The following CCDC124 variants were observed in gnomAD, a reference collection of about 807,000 sequenced individuals.
The protein encoded by CCDC124 is coiled-coil domain-containing protein 124.
In CCDC124, 9 loss-of-function variants were observed where a neutral mutation model predicts 19.8. The observed-to-expected ratio is 0.45, with a 90% CI of 0.27 to 0.79. The LOEUF (loss-of-function observed/expected upper bound fraction) is 0.79. Ranked by LOEUF, CCDC124 falls within the 30% of genes least tolerant of loss-of-function variation. The pLI, the probability that CCDC124 is intolerant of heterozygous loss-of-function variation, is 0.14. For synonymous variants in CCDC124, 126 were observed against 131.3 expected, an observed-to-expected ratio of 0.96 and a Z score of 0.27; for missense variants, 285 against 319.0, an observed-to-expected ratio of 0.89 and a Z score of 0.81.
chr19:17,942,854 G>A lies in CCDC124; in HGVS notation c.349+9G>A. On this transcript the variant is annotated intron_variant, in intron 3 of 4. Coordinates refer to ENST00000445755, the MANE Select transcript of CCDC124 (RefSeq NM_001136203.2). The surrounding 1 kb of genome is among the most constrained non-coding windows in gnomAD (Gnocchi z 4.2). ...GGAGGCCCCGGACACAGGTCGGGCG[G>A]CATCCCGCTCTGGAGCTGCACTTTT... is the stretch of plus-strand genomic sequence containing the variant. The A allele has an allele frequency of 6.7e-7, 1 of 1,492,506 alleles. No individual in the cohort carries two copies. The highest frequency in any genetic ancestry group is 8.9e-7 in the Non-Finnish European group (1 of 1,121,138). The allele number at this position is 1,492,506 out of a possible 1,614,324, so 92.5% of individuals were successfully genotyped here.
rs1288930928 is a variant in CCDC124 at position 17,942,330 on chromosome 19, A to C, written c.160-326A>C. Among the ~76,000 whole-genome samples the C allele has an allele frequency of 2.6e-5, 4 of 152,066 alleles. No individual in the cohort carries two copies. The highest frequency in any genetic ancestry group is 2.0e-4 in the Admixed American group (3 of 15,262). On this transcript the variant is annotated intron_variant, in intron 2 of 4. Coordinates refer to ENST00000445755, the MANE Select transcript of CCDC124 (RefSeq NM_001136203.2). The surrounding 1 kb of genome is among the most constrained non-coding windows in gnomAD (Gnocchi z 4.2). The stretch of plus-strand genomic sequence containing the variant: ...CCTCCAAGCTGTTCCTGTTACAACA[A>C]ATGGCTCCTGCCTCGGCGCCTTTGC...
chr19:17,935,636 C>G (rs2031043960), intron 1 of CCDC124, among the ~76,000 whole-genome samples: 1 of 152,150 alleles, frequency 6.6e-6, no homozygotes, highest in Non-Finnish European at 1.5e-5. Context: ...GGCTGGAGTG[C>G]AGTTGCACGA....
chr19:17,942,927 C>G lies in CCDC124; in HGVS notation c.349+82C>G, dbSNP rs1000686330. 2.1e-6 allele frequency: 3 copies of G among 1,425,294 alleles called. No homozygotes were observed. The highest frequency in any genetic ancestry group is 2.8e-6 in the Non-Finnish European group (3 of 1,081,008). 88.3% of individuals were successfully genotyped at this position (1,425,294 alleles called of 1,614,324 possible). On this transcript the variant is annotated intron_variant, in intron 3 of 4. Coordinates refer to ENST00000445755, the MANE Select transcript of CCDC124 (RefSeq NM_001136203.2). This position sits in a 1 kb window ranked among gnomAD's most constrained non-coding sequence, Gnocchi z 4.2. ...CTTGAGTCCATTAGCCCCCTCCTGG[C>G]CCCCAGAGAAGCTGCCGGGGCTCCA...
Position 17,943,250 on chromosome 19 carries a change from C to G in CCDC124, c.350-11C>G, listed in dbSNP as rs1206201883. On this transcript the variant is annotated splice_polypyrimidine_tract_variant and intron_variant, in intron 3 of 4. Coordinates refer to ENST00000445755, the MANE Select transcript of CCDC124 (RefSeq NM_001136203.2). ...TCTCTCTCTGTCTCTGTCACCCACC[C>G]ACCCGCCCAGCCGAGAAAGCCAAGA... 3.4e-6 allele frequency: 3 copies of G among 886,646 alleles called. No individual in the cohort carries two copies. Among genetic ancestry groups the G allele is most frequent in the Non-Finnish European group, 5.3e-6 (3 of 561,054 alleles). The allele number at this position is 886,646 out of a possible 1,614,324, so 54.9% of individuals were successfully genotyped here. A position where few individuals can be genotyped will look rare whatever the true frequency, so the allele number is the denominator to read the frequency against.
Position 17,940,903 on chromosome 19 carries a change from C to T in CCDC124, c.160-1753C>T, listed in dbSNP as rs531951106. On this transcript the variant is annotated intron_variant, in intron 2 of 4. Coordinates refer to ENST00000445755, the MANE Select transcript of CCDC124 (RefSeq NM_001136203.2). ...TCTACTAAAAATACAAAAAATCAGC[C>T]GGGCATGGTGGCAGGCACCTGTAGT... Among the ~76,000 whole-genome samples the T allele has an allele frequency of 6.6e-5, 10 of 151,854 alleles. No homozygotes were observed. In the South Asian group the frequency reaches 1.5e-3, roughly 22 times the overall value.
At position 17,934,316 on chromosome 19, in the gene CCDC124, G is replaced by A. The variant is rs2031011650; in HGVS notation, c.-12+1268G>A. On this transcript the variant is annotated intron_variant, in intron 1 of 4. Transcript: ENST00000445755. ...CAGGAGAATTGCTTGAACCGGGTGG[G>A]TGGAGGTTGCAGTGAGCCGAGATTG... Among the ~76,000 whole-genome samples, 2 of 148,950 alleles carry A rather than the reference G, an allele frequency of 1.3e-5. 1 individual carries two copies. The highest frequency in any genetic ancestry group is 1.3e-4 in the Admixed American group (2 of 15,142).
chr19:17,941,457 A>G (rs990082186), intron 2 of CCDC124, among the ~76,000 whole-genome samples: 1 of 150,600 alleles, frequency 6.6e-6, no homozygotes, highest in Non-Finnish European at 1.5e-5. Context: ...GGTTGCAGTG[A>G]GCCGAGATCG....
rs779708474 is a variant in CCDC124 at position 17,936,450 on chromosome 19, C to G, written c.30C>G (p.Thr10=). ...CCAAGAAGTTCCAGGGTGAGAACAC[C>G]AAGTCGGCAGCGGCCCGGGCACGTA... The part of the protein sequence containing the change: MPKKFQGEN[T]KSAAARARRA... The change falls in exon 2 of 5, where the codon ACC becomes ACG. Residue 10 remains threonine (T), a synonymous_variant. Coordinates refer to ENST00000445755, the MANE Select transcript of CCDC124 (RefSeq NM_001136203.2). 3 of 1,613,408 alleles carry G rather than the reference C, an allele frequency of 1.9e-6. No homozygotes were observed. Among genetic ancestry groups the G allele is most frequent in the Admixed American group, 1.7e-5 (1 of 59,942 alleles).
intron 2 of CCDC124, among the ~76,000 whole-genome samples, chr19:17,938,326 T>A (rs1373478247): frequency 6.6e-6 from 1 of 152,168 alleles, no homozygotes; most frequent in African/African-American, 2.4e-5. Flanking sequence ...GGCAACAGAA[T>A]GAGACTGTGA....
At chr19:17,933,344 A>T (rs1377675319) in intron 1 of CCDC124, among the ~76,000 whole-genome samples, 1 of 152,146 alleles carries the variant, frequency 6.6e-6, no homozygotes, top group Non-Finnish European at 1.5e-5. Flanking sequence ...GGCCTCTTGT[A>T]GGGGGATTAG....
intron 2 of CCDC124, among the ~76,000 whole-genome samples, chr19:17,937,965 T>C (rs146928908): frequency 0.02 from 3,107 of 152,256 alleles, 30 homozygotes; most frequent in Non-Finnish European, 0.033. Context: ...ACTCCCAACC[T>C]CAGGTGATCC....
chr19:17,937,688 C>G (rs983563234), intron 2 of CCDC124, among the ~76,000 whole-genome samples: 3 of 152,056 alleles, frequency 2.0e-5, no homozygotes, highest in Non-Finnish European at 2.9e-5. Context: ...GCCCCCATTT[C>G]CAACCTGTTG....
rs2031220456 is a variant in CCDC124, at chr19:17,942,965, T to G, written c.349+120T>G. ...TGCCGGGGCTCCACGTGGTGCAGGG[T>G]GGGTGGGTAGGCCGCCTCCTGGTAG... is the stretch of plus-strand genomic sequence containing the variant. On this transcript the variant is annotated intron_variant, in intron 3 of 4. Transcript: ENST00000445755. The surrounding 1 kb of genome is among the most constrained non-coding windows in gnomAD (Gnocchi z 4.2). 4.8e-6 allele frequency: 6 copies of G among 1,258,078 alleles called. No homozygotes were observed. The highest frequency in any genetic ancestry group is 6.4e-6 in the Non-Finnish European group (6 of 934,614). The allele number at this position is 1,258,078 out of a possible 1,614,324, so 77.9% of individuals were successfully genotyped here.
At chr19:17,936,981 A>AG (rs2031081246) in intron 2 of CCDC124, 1 of 149,750 alleles carries the variant, frequency 6.7e-6, no homozygotes, top group Admixed American at 6.7e-5. Context: ...TCTCAAAAAA[A>AG]AAAAAAAAAA....
Position 17,943,831 on chromosome 19 carries a change from C to T in CCDC124, c.*116C>T, listed in dbSNP as rs747083038. 6 of 1,038,208 alleles carry T rather than the reference C, an allele frequency of 5.8e-6. 1 individual carries two copies. The Admixed American group carries it at 7.1e-5, about 12-fold the overall frequency. 64.3% of individuals were successfully genotyped at this position (1,038,208 alleles called of 1,614,324 possible). On this transcript the variant is annotated 3_prime_UTR_variant, in exon 5 of 5. Transcript: ENST00000445755. Reference sequence around the variant, plus strand: ...GCGTTCCGGGGGCCAAGGCGCCGGGCCCCGGGGCCATGCTCTTATCACCAG... The same window carrying T: ...GCGTTCCGGGGGCCAAGGCGCCGGGTCCCGGGGCCATGCTCTTATCACCAG...
In CCDC124 at chr19:17,942,458, G is replaced by T. The variant is rs996157165; in HGVS notation, c.160-198G>T. Among the ~76,000 whole-genome samples, 6 of 152,178 alleles carry T rather than the reference G, an allele frequency of 3.9e-5. No individual in the cohort carries two copies. Among genetic ancestry groups the T allele is most frequent in the African/African-American group, 9.6e-5 (4 of 41,532 alleles). On this transcript the variant is annotated intron_variant, in intron 2 of 4. Transcript: ENST00000445755. The surrounding 1 kb of genome is among the most constrained non-coding windows in gnomAD (Gnocchi z 4.2). The stretch of plus-strand genomic sequence containing the variant: ...TCACTTCTTCAAGAGCCACCCACCC[G>T]CCCTGTCCAAGGTTCCCCTGTTGGC...
chr19:17,943,407 G>A, intron 4 of CCDC124, 32 bp downstream of exon 4: 1 of 1,553,066 alleles, frequency 6.4e-7, no homozygotes, highest in African/African-American at 1.4e-5. Flanking sequence ...CTTTCCCAGG[G>A]GTGGAGCTGG....
In CCDC124 at chr19:17,943,639, T is replaced by C; in HGVS notation, c.596T>C (p.Leu199Pro). Residue 199 changes from leucine to proline, a missense_variant, in exon 5 of 5, where the codon CTG (leucine) becomes CCG (proline). Physicochemically the swap from Leu to Pro is moderately conservative, Grantham distance 98. Coordinates refer to ENST00000445755, the MANE Select transcript of CCDC124 (RefSeq NM_001136203.2). ...ATGCGGCTGTCGCAGCTGAAACAGCTGCTCAAGAAGGAGTGGCTCCGCTCT... is the reference window on the plus strand; with the variant it reads ...ATGCGGCTGTCGCAGCTGAAACAGCCGCTCAAGAAGGAGTGGCTCCGCTCT... Reference protein sequence around the residue: ...PNMRLSQLKQLLKKEWLRSPD... With the variant: ...PNMRLSQLKQPLKKEWLRSPD... 6.2e-7 allele frequency: 1 copy of C among 1,612,926 alleles called. No individual in the cohort carries two copies. Among genetic ancestry groups the C allele is most frequent in the Non-Finnish European group, 8.5e-7 (1 of 1,179,936 alleles).
At position 17,936,737 on chromosome 19, in the gene CCDC124, T is replaced by G; in HGVS notation, c.159+158T>G. 5 of 876,304 alleles carry G rather than the reference T, an allele frequency of 5.7e-6. No homozygotes were observed. The South Asian group carries it at 9.9e-5, about 17-fold the overall frequency. 54.3% of individuals were successfully genotyped at this position (876,304 alleles called of 1,614,324 possible). On this transcript the variant is annotated intron_variant, in intron 2 of 4. Transcript: ENST00000445755. ...CGCTCACGCCTGTCATCCCAGTACT[T>G]TGGGAGGCCGAGGCAGGCAGATCAC... is the stretch of plus-strand genomic sequence containing the variant.
Sources: gnomAD v4.1 joint callset for allele counts (sites outside exome capture counted in the v4.1 genomes callset) on GRCh38, gnomAD v4.1.1 for gene constraint, Gnocchi (gnomAD v3.1) non-coding constraint, MANE v1.5 for transcripts, NCBI Gene and HGNC (gene_info 2026-07-23, HGNC 2026-07-21) for gene names.